Variants in SGPP2 observed in about 807,000 individuals in gnomAD.
SGPP2 encodes the protein sphingosine-1-phosphate phosphatase 2.
In SGPP2, 30 loss-of-function variants were observed where a neutral mutation model predicts 33.9. The observed-to-expected ratio is 0.89, with a 90% CI of 0.66 to 1.20. The LOEUF is 1.20. SGPP2 is among the 50% of genes most tolerant of loss of function. The probability of loss-of-function intolerance (pLI) is 0.00; values close to 1 mark genes in which losing one functional copy is unlikely to be tolerated. For missense variants in SGPP2, 458 were observed against 532.1 expected (o/e 0.86, Z 1.37); for synonymous variants, 233 against 225.0 (o/e 1.04, Z -0.32).
Position 222,452,526 on chromosome 2 carries a change from C to G in SGPP2, c.220-22042C>G. 3.0e-6 allele frequency: 3 copies of G among 1,003,246 alleles called. No homozygotes were observed. The South Asian group carries it at 3.8e-5, about 13-fold the overall frequency. 62.1% of individuals were successfully genotyped at this position (1,003,246 alleles called of 1,614,324 possible). On this transcript the variant is annotated intron_variant, in intron 1 of 4. Transcript: ENST00000321276. The stretch of plus-strand genomic sequence containing the variant: ...TTTCCCCAGCAGTTTCCAAGGCAAA[C>G]TGGCAGGAGAATTTGGCTGGAACTA...
At chr2:222,527,600 G>A (rs1380129780) in intron 4 of SGPP2, among the ~76,000 whole-genome samples, 1 of 152,180 alleles carries the variant, frequency 6.6e-6, no homozygotes, top group African/African-American at 2.4e-5. Flanking sequence ...CCCCTTTTGG[G>A]AGCATTTGTC....
intron 1 of SGPP2, among the ~76,000 whole-genome samples, chr2:222,438,687 A>C (rs1697281366): frequency 6.6e-6 from 1 of 152,208 alleles, no homozygotes; most frequent in African/African-American, 2.4e-5. Context: ...ACAGTAACCC[A>C]CTGTCATTCT....
At chr2:222,447,763 A>G (rs1042315441) in intron 1 of SGPP2, among the ~76,000 whole-genome samples, 7 of 152,208 alleles carry the variant, frequency 4.6e-5, no homozygotes, top group Admixed American at 3.9e-4. Flanking sequence ...AATGTTTACT[A>G]TATGCCAGCC....
rs931060128 is a variant in SGPP2 at position 222,550,930 on chromosome 2, T to C, written c.649-7417T>C. The stretch of plus-strand genomic sequence containing the variant: ...TCTCTGGTTATTTTCTTAGAATCAA[T>C]TCCTAGGAGTGGAATCACTGGGTCT... On this transcript the variant is annotated intron_variant, in intron 4 of 4. Transcript: ENST00000321276. The surrounding 1 kb of genome is among the most constrained non-coding windows in gnomAD (Gnocchi z 4.5). Among the ~76,000 whole-genome samples, 2 of 152,352 alleles carry C rather than the reference T, an allele frequency of 1.3e-5. No homozygotes were observed. Among genetic ancestry groups the C allele is most frequent in the South Asian group, 4.1e-4 (2 of 4,828 alleles).
chr2:222,454,706 G>A (rs1461170047), intron 1 of SGPP2, among the ~76,000 whole-genome samples: 1 of 150,146 alleles, frequency 6.7e-6, no homozygotes. Context: ...GTGAAAATGA[G>A]GCAATTGGAC....
At chr2:222,553,501 C>T (rs557567728) in intron 4 of SGPP2, among the ~76,000 whole-genome samples, 34 of 152,220 alleles carry the variant, frequency 2.2e-4, no homozygotes, top group South Asian at 6.2e-4. Context: ...TTTAGACTCA[C>T]GACATCAGAA....
chr2:222,542,769 T>C (rs1022690903), intron 4 of SGPP2, among the ~76,000 whole-genome samples: 1 of 152,136 alleles, frequency 6.6e-6, no homozygotes, highest in African/African-American at 2.4e-5. Context: ...GATTTATTGG[T>C]GAGTTGTTGA....
intron 1 of SGPP2, among the ~76,000 whole-genome samples, chr2:222,443,866 C>G (rs1479453122): frequency 6.6e-6 from 1 of 152,178 alleles, no homozygotes; most frequent in East Asian, 1.9e-4. Flanking sequence ...CATGTAACCT[C>G]TACTGTAACC....
At chr2:222,459,691 T>TC (rs757895014) in intron 1 of SGPP2, among the ~76,000 whole-genome samples, 27 of 151,998 alleles carry the variant, frequency 1.8e-4, no homozygotes, top group Non-Finnish European at 2.8e-4. Context: ...GGGCAGAGGC[T>TC]CCCGGAACAT....
intron 2 of SGPP2, among the ~76,000 whole-genome samples, chr2:222,478,994 G>A (rs1158348428): frequency 6.6e-6 from 1 of 152,152 alleles, no homozygotes; most frequent in Non-Finnish European, 1.5e-5. Flanking sequence ...TAGTATATAT[G>A]CCATTCGCTG....
intron 1 of SGPP2, among the ~76,000 whole-genome samples, chr2:222,444,825 A>C (rs1697376072): frequency 6.6e-6 from 1 of 152,220 alleles, no homozygotes; most frequent in Non-Finnish European, 1.5e-5. Flanking sequence ...TTTGGGGGAA[A>C]AAATCTTTGG....
At chr2:222,480,087 T>A (rs1175719680) in intron 2 of SGPP2, among the ~76,000 whole-genome samples, 2 of 152,180 alleles carry the variant, frequency 1.3e-5, no homozygotes, top group African/African-American at 4.8e-5. Flanking sequence ...CACTACCCCA[T>A]GGCATGATTA....
At chr2:222,491,006 T>C (rs1006917589) in intron 2 of SGPP2, among the ~76,000 whole-genome samples, 2 of 152,222 alleles carry the variant, frequency 1.3e-5, no homozygotes, top group Admixed American at 6.5e-5. Flanking sequence ...GAAGATTTTA[T>C]TGTGCTTGCC....
rs1227573382 is a variant in SGPP2, at chr2:222,556,687, C to T, written c.649-1660C>T. ...CCCCCTCCACCTTCACTCTTCCCCC[C>T]ACTCCTCCCCCATCCACCCTCACTC... On this transcript the variant is annotated intron_variant, in intron 4 of 4. Transcript: ENST00000321276. 9.9e-5 allele frequency among the ~76,000 whole-genome samples: 5 copies of T among 50,298 alleles called. No homozygotes were observed. The Admixed American group carries it at 1.0e-3, about 10-fold the overall frequency. 33.0% of individuals were successfully genotyped at this position (50,298 alleles called of 152,430 possible). A position where few individuals can be genotyped will look rare whatever the true frequency, so the allele number is the denominator to read the frequency against.
chr2:222,540,791 G>A (rs1391419420), intron 4 of SGPP2, among the ~76,000 whole-genome samples: 3 of 148,152 alleles, frequency 2.0e-5, no homozygotes, highest in African/African-American at 5.0e-5. Context: ...TATTTTTTCA[G>A]CATAATTTTG....
intron 2 of SGPP2, among the ~76,000 whole-genome samples, chr2:222,519,553 CTTT>C (rs945318016): frequency 6.6e-6 from 1 of 152,138 alleles, no homozygotes; most frequent in Non-Finnish European, 1.5e-5. Context: ...ACATCCAATT[CTTT>C]TTTAAAAAAA....
At chr2:222,524,735 C>G (rs1243265953) in intron 3 of SGPP2, among the ~76,000 whole-genome samples, 2 of 152,182 alleles carry the variant, frequency 1.3e-5, no homozygotes, top group African/African-American at 4.8e-5. Context: ...AACTTCCTCC[C>G]AGAACTGTGT....
At chr2:222,541,668 C>T (rs887045967) in intron 4 of SGPP2, among the ~76,000 whole-genome samples, 9 of 151,858 alleles carry the variant, frequency 5.9e-5, no homozygotes, top group African/African-American at 1.9e-4. Flanking sequence ...GGCTGGAGTG[C>T]GGTGGCGCTA....
chr2:222,475,023 T>G (rs1697909743), intron 2 of SGPP2, among the ~76,000 whole-genome samples: 1 of 152,174 alleles, frequency 6.6e-6, no homozygotes, highest in South Asian at 2.1e-4. Context: ...TTGTGGCCTT[T>G]CATTAGTCTT....
Sources: gnomAD v4.1 joint callset for allele counts (sites outside exome capture counted in the v4.1 genomes callset) on GRCh38, gnomAD v4.1.1 for gene constraint, Gnocchi (gnomAD v3.1) non-coding constraint, MANE v1.5 for transcripts, NCBI Gene and HGNC (gene_info 2026-07-23, HGNC 2026-07-21) for gene names.